The following C5orf24 variants were observed in gnomAD, a reference collection of about 807,000 sequenced individuals.
The protein encoded by C5orf24 is UPF0461 protein C5orf24.
A neutral mutation model predicts 9.8 loss-of-function variants in C5orf24; 4 were observed. The observed-to-expected ratio is 0.41, with a 90% confidence interval of 0.20 to 0.93. C5orf24 has a LOEUF of 0.93. Ranked by LOEUF, C5orf24 falls within the 40% of genes least tolerant of loss-of-function variation. C5orf24 has a pLI of 0.33. For missense variants in C5orf24, 170 were observed against 236.9 expected, an observed-to-expected ratio of 0.72 and a Z score of 1.85; for synonymous variants, 73 against 81.3, an observed-to-expected ratio of 0.90 and a Z score of 0.55.
chr5:134,850,598 G>A (rs1053142912), intron 1 of C5orf24, among the ~76,000 whole-genome samples: 9 of 151,002 alleles, frequency 6.0e-5, no homozygotes, highest in African/African-American at 2.2e-4. Context: ...TCAGCCTCCC[G>A]AGTAGCTGGG....
intron 1 of C5orf24, among the ~76,000 whole-genome samples, chr5:134,852,220 G>A (rs1240600514): frequency 2.6e-5 from 4 of 152,200 alleles, no homozygotes; most frequent in African/African-American, 7.2e-5. Flanking sequence ...GATCACAGGC[G>A]TGAGCCACCG....
chr5:134,845,592 T>G (rs1755967735), upstream of C5orf24: 1 of 152,258 alleles, frequency 6.6e-6, no homozygotes, highest in Admixed American at 6.5e-5. Flanking sequence ...TCATAGGATG[T>G]CCCATAAAAT....
intron 1 of C5orf24, among the ~76,000 whole-genome samples, 184 bp from the exon 2 acceptor site, chr5:134,854,714 A>G (rs1442598202): frequency 6.6e-6 from 1 of 152,170 alleles, no homozygotes; most frequent in Non-Finnish European, 1.5e-5. Context: ...TTAAATTGAG[A>G]AGAAGTGTCC....
the C5orf24 span, among the ~76,000 whole-genome samples, chr5:134,839,486 CA>C: frequency 6.6e-6 from 1 of 152,074 alleles, no homozygotes; most frequent in Non-Finnish European, 1.5e-5. Flanking sequence ...TGTCTGGTAA[CA>C]ATAAATACTA....
chr5:134,857,512 A>G lies in C5orf24; in HGVS notation c.*2045A>G, dbSNP rs978843610. ...ACCTCAACAATATTAGCTTTGCACA[A>G]ACCATAGAGAACGATGTTGGATGGT... is the stretch of plus-strand genomic sequence containing the variant. On this transcript the variant is annotated 3_prime_UTR_variant, in exon 2 of 2. Transcript: ENST00000394976. 1.7e-5 allele frequency: 22 copies of G among 1,283,250 alleles called. No individual in the cohort carries two copies. Among genetic ancestry groups the G allele is most frequent in the African/African-American group, 4.6e-5 (3 of 65,802 alleles). 79.5% of individuals were successfully genotyped at this position (1,283,250 alleles called of 1,614,324 possible). A position where few individuals can be genotyped will look rare whatever the true frequency, so the allele number is the denominator to read the frequency against.
At chr5:134,842,271 C>G (rs577104898), upstream of C5orf24, among the ~76,000 whole-genome samples, 2 of 152,206 alleles carry the variant, frequency 1.3e-5, no homozygotes, top group African/African-American at 4.8e-5. Context: ...GGGAGGATCA[C>G]CTGAGGTCAG....
chr5:134,849,265 A>G (rs1294771255), intron 1 of C5orf24, among the ~76,000 whole-genome samples: 2 of 152,104 alleles, frequency 1.3e-5, no homozygotes, highest in Admixed American at 6.6e-5. Context: ...AAAAAAAAAA[A>G]GGGAGTGTTT....
upstream of C5orf24, among the ~76,000 whole-genome samples, chr5:134,841,586 A>G (rs1322682698): frequency 1.3e-5 from 2 of 151,596 alleles, no homozygotes; most frequent in Non-Finnish European, 1.5e-5. Context: ...GACTGTCTCA[A>G]AAAAAAAAGT....
chr5:134,854,875 T>C (rs1756265190), intron 1 of C5orf24, 23 bp from the exon 2 acceptor site: 1 of 1,610,440 alleles, frequency 6.2e-7, no homozygotes, highest in Non-Finnish European at 8.5e-7. Context: ...TATTTATATA[T>C]ATTTGTCTTT....
At chr5:134,840,305 CAAAAAAAAA>C in the C5orf24 span, among the ~76,000 whole-genome samples, 5 of 53,418 alleles carry the variant, frequency 9.4e-5, no homozygotes, top group African/African-American at 7.1e-5. Context: ...GACTGCATCT[CAAAAAAAAA>C]AAAAAAAAAA....
Position 134,857,134 on chromosome 5 carries a change from ATAT to A in C5orf24, c.*1671_*1673del, listed in dbSNP as rs907975825. The stretch of plus-strand genomic sequence containing the variant: ...ATTTATTGAGTTTGTTCTAAATAAA[ATAT>A]TATAAACTTCAGACTTGAAAAAATT... On this transcript the variant is annotated 3_prime_UTR_variant, in exon 2 of 2. Transcript: ENST00000394976. 7 of 1,285,788 alleles carry A rather than the reference ATAT, an allele frequency of 5.4e-6. No homozygotes were observed. The African/African-American group carries it at 6.1e-5, about 11-fold the overall frequency. 79.6% of individuals were successfully genotyped at this position (1,285,788 alleles called of 1,614,324 possible).
At chr5:134,851,016 A>G (rs1442119867) in intron 1 of C5orf24, among the ~76,000 whole-genome samples, 2 of 149,864 alleles carry the variant, frequency 1.3e-5, no homozygotes, top group Non-Finnish European at 3.0e-5. Context: ...TTATTTATTT[A>G]TTTATTTATT....
intron 1 of C5orf24, among the ~76,000 whole-genome samples, chr5:134,851,572 A>C (rs1254128941): frequency 6.6e-6 from 1 of 152,100 alleles, no homozygotes; most frequent in Non-Finnish European, 1.5e-5. Context: ...TGTACAATGC[A>C]GTGGACAAAC....
At chr5:134,852,840 C>A (rs568487831) in intron 1 of C5orf24, among the ~76,000 whole-genome samples, 4 of 152,066 alleles carry the variant, frequency 2.6e-5, no homozygotes, top group Non-Finnish European at 5.9e-5. Flanking sequence ...AGTTCAAGAC[C>A]AGCCTGACCA....
chr5:134,851,680 G>A (rs1192745369), intron 1 of C5orf24, among the ~76,000 whole-genome samples: 12 of 152,252 alleles, frequency 7.9e-5, no homozygotes, highest in Non-Finnish European at 7.4e-5. Flanking sequence ...ATCATCAAAA[G>A]TCATATTTGG....
rs1756304367 is a variant in C5orf24 at position 134,856,149 on chromosome 5, A to G, written c.*682A>G. The G allele has an allele frequency of 1.0e-6, 1 of 998,656 alleles. No homozygotes were observed. The highest frequency in any genetic ancestry group is 1.7e-5 in the African/African-American group (1 of 57,308). The allele number at this position is 998,656 out of a possible 1,614,324, so 61.9% of individuals were successfully genotyped here. On this transcript the variant is annotated 3_prime_UTR_variant, in exon 2 of 2. Coordinates refer to ENST00000394976, the MANE Select transcript of C5orf24 (RefSeq NM_001135586.1). ...GTATTTTTTAATTGCCTAAGAGCAT[A>G]TATACCAAACACTACAAACAATTCA...
the C5orf24 span, among the ~76,000 whole-genome samples, chr5:134,836,087 C>G: frequency 1.3e-5 from 2 of 148,760 alleles, no homozygotes; most frequent in Non-Finnish European, 3.0e-5. Flanking sequence ...ATATATTTTT[C>G]TAAATAAAAA....
rs375925184 is a variant in C5orf24 at position 134,855,330 on chromosome 5, A to G, written c.430A>G (p.Ser144Gly). The G allele has an allele frequency of 6.2e-7, 1 of 1,614,186 alleles. No homozygotes were observed. Among genetic ancestry groups the G allele is most frequent in the South Asian group, 1.1e-5 (1 of 91,090 alleles). Residue 144 changes from serine (S) to glycine (G), a missense_variant, in exon 2 of 2, where the codon AGC becomes GGC. Physicochemically the swap from Ser to Gly is moderately conservative, Grantham distance 56. Around this residue, in one of 3 missense-constraint regions of C5orf24, gnomAD observed 56 missense variants for 60.3 expected, o/e 0.93. Transcript: ENST00000394976. ...YKVSPGRPPGSIKALSRLADL... is the reference protein window; with the variant it reads ...YKVSPGRPPGGIKALSRLADL... ...AGTCAGCCCAGGCAGACCTCCAGGT[A>G]GCATTAAAGCTCTATCCCGTCTTGC...
intron 1 of C5orf24, among the ~76,000 whole-genome samples, chr5:134,852,097 C>A (rs567856474): frequency 1.3e-5 from 2 of 152,214 alleles, no homozygotes; most frequent in Admixed American, 6.5e-5. Flanking sequence ...CGTGCCATCA[C>A]GCCCAGCTAA....
Sources: gnomAD v4.1 joint callset for allele counts (sites outside exome capture counted in the v4.1 genomes callset) on GRCh38, gnomAD v4.1.1 for gene constraint, gnomAD v4.1.1 regional missense constraint, MANE v1.5 for transcripts, NCBI Gene and HGNC (gene_info 2026-07-23, HGNC 2026-07-21) for gene names.